Variants in NEBL observed in about 807,000 individuals in gnomAD.
NEBL encodes nebulette, also known as LIM and SH3 protein 2.
A neutral mutation model predicts 140.2 loss-of-function variants in NEBL; 122 were observed. The observed-to-expected ratio is 0.87, with a 90% CI of 0.75 to 1.01. The LOEUF (loss-of-function observed/expected upper bound fraction) is 1.01, where lower values mean the gene tolerates loss of function less well. NEBL is among the 50% of genes least tolerant of loss of function. The pLI is 0.00. For missense variants in NEBL, 1,365 were observed against 1,231.3 expected (o/e 1.11, Z -1.62); for synonymous variants, 436 against 398.9 (o/e 1.09, Z -1.11).
intron 19 of NEBL, 67 bp from the exon 20 acceptor site, chr10:20,819,583 GA>G (rs1247221485): frequency 7.6e-6 from 12 of 1,577,802 alleles, no homozygotes; most frequent in Non-Finnish European, 1.0e-5. Context: ...CATTGCAACA[GA>G]TTTTTTTTAA....
chr10:21,002,384 T>C (rs939280664), intron 3 of NEBL, among the ~76,000 whole-genome samples: 21 of 152,202 alleles, frequency 1.4e-4, no homozygotes, highest in Admixed American at 2.6e-4. Flanking sequence ...CTAAACCTTA[T>C]AAAGTTATCC....
intron 2 of NEBL, among the ~76,000 whole-genome samples, chr10:21,157,191 A>G (rs1771987043): frequency 6.6e-6 from 1 of 152,222 alleles, no homozygotes; most frequent in Non-Finnish European, 1.5e-5. Context: ...CGTAATTCAG[A>G]AAAAGTCTCC....
chr10:20,803,316 C>G (rs949049959), intron 26 of NEBL, among the ~76,000 whole-genome samples: 1 of 152,040 alleles, frequency 6.6e-6, no homozygotes, highest in Non-Finnish European at 1.5e-5. Context: ...TGCTAATTAC[C>G]ATGTTCTGAT....
chr10:20,902,781 T>C (rs1278225273), intron 4 of NEBL, among the ~76,000 whole-genome samples: 23 of 152,068 alleles, frequency 1.5e-4, no homozygotes, highest in Admixed American at 1.5e-3. Flanking sequence ...ACCTAAGCTC[T>C]TCTTGGTCTG....
chr10:20,810,911 A>AT (rs1273911013), intron 24 of NEBL, among the ~76,000 whole-genome samples: 2 of 152,206 alleles, frequency 1.3e-5, no homozygotes, highest in African/African-American at 4.8e-5. Flanking sequence ...TATTATCCTC[A>AT]TTTTGTAGAT....
intron 2 of NEBL, among the ~76,000 whole-genome samples, chr10:21,148,274 T>A (rs941951029): frequency 6.6e-6 from 1 of 152,238 alleles, no homozygotes; most frequent in Non-Finnish European, 1.5e-5. Context: ...TTGGTTTCCA[T>A]CCACGTTCAT....
intron 5 of NEBL, among the ~76,000 whole-genome samples, chr10:20,870,963 CTTTA>C (rs1252314631): frequency 1.3e-5 from 2 of 152,196 alleles, no homozygotes; most frequent in Admixed American, 1.3e-4. Flanking sequence ...CAGCTCACTT[CTTTA>C]TTTCTTGCGA....
chr10:21,202,857 T>C (rs1214703889), intron 3 of NEBL, among the ~76,000 whole-genome samples: 1 of 152,226 alleles, frequency 6.6e-6, no homozygotes, highest in African/African-American at 2.4e-5. Context: ...TATTAAAAGA[T>C]TGAAAATATT....
At chr10:21,012,722 A>G (rs1838391190) in intron 3 of NEBL, among the ~76,000 whole-genome samples, 1 of 152,126 alleles carries the variant, frequency 6.6e-6, no homozygotes, top group South Asian at 2.1e-4. Flanking sequence ...CTATATATTG[A>G]AACGCCTAAT....
chr10:20,973,251 T>G (rs898453086), intron 3 of NEBL, among the ~76,000 whole-genome samples: 12 of 151,616 alleles, frequency 7.9e-5, no homozygotes, highest in African/African-American at 2.9e-4. Flanking sequence ...CTTTTTCTTT[T>G]TTTTTTTTTT....
intron 2 of NEBL, among the ~76,000 whole-genome samples, chr10:21,027,864 A>T (rs918997629): frequency 6.6e-6 from 1 of 152,080 alleles, no homozygotes; most frequent in Non-Finnish European, 1.5e-5. Context: ...ATTCCTCCTA[A>T]GTCTGAACCA....
At chr10:20,932,356 G>A (rs976867577) in intron 4 of NEBL, among the ~76,000 whole-genome samples, 1 of 152,116 alleles carries the variant, frequency 6.6e-6, no homozygotes, top group Non-Finnish European at 1.5e-5. Flanking sequence ...ACTCACAAGT[G>A]GGAGTTAAAC....
At chr10:21,064,929 G>T (rs1199827418) in intron 2 of NEBL, among the ~76,000 whole-genome samples, 1 of 152,062 alleles carries the variant, frequency 6.6e-6, no homozygotes, top group Non-Finnish European at 1.5e-5. Context: ...ATTTAAGAAT[G>T]AGATAGAAAA....
At chr10:20,818,943 C>T (rs1270454588) in intron 20 of NEBL, 1 of 967,026 alleles carries the variant, frequency 1.0e-6, no homozygotes, top group Admixed American at 5.8e-5. Context: ...TTCCGTTTAT[C>T]ATCATCGTTA....
chr10:20,909,451 G>T (rs11012384), intron 4 of NEBL, among the ~76,000 whole-genome samples: 90,349 of 151,828 alleles, frequency 0.6, 27,038 homozygotes, highest in Admixed American at 0.64. Flanking sequence ...TAAGATATTG[G>T]ACACACAAAT....
chr10:21,100,458 T>C (rs1837429693), intron 2 of NEBL, among the ~76,000 whole-genome samples: 1 of 152,194 alleles, frequency 6.6e-6, no homozygotes, highest in Admixed American at 6.5e-5. Context: ...AGCAACACTT[T>C]TGCACCCTGT....
intron 4 of NEBL, among the ~76,000 whole-genome samples, chr10:20,947,744 G>A (rs1319343064): frequency 1.3e-5 from 2 of 151,876 alleles, no homozygotes; most frequent in African/African-American, 4.8e-5. Context: ...GGGTAATAGT[G>A]TAGGAAGCAG....
intron 4 of NEBL, among the ~76,000 whole-genome samples, chr10:20,936,423 A>G (rs1422664300): frequency 6.6e-6 from 1 of 152,240 alleles, no homozygotes; most frequent in East Asian, 1.9e-4. Flanking sequence ...AACCTAAAAA[A>G]TGGTGGACAA....
intron 2 of NEBL, among the ~76,000 whole-genome samples, chr10:21,057,535 G>T (rs998734230): frequency 3.0e-4 from 17 of 57,454 alleles, no homozygotes; most frequent in Admixed American, 2.7e-3. Context: ...AATAGCCAAT[G>T]AAATTCCTTT....
Sources: gnomAD v4.1 joint callset for allele counts (sites outside exome capture counted in the v4.1 genomes callset) on GRCh38, gnomAD v4.1.1 for gene constraint, MANE v1.5 for transcripts, NCBI Gene and HGNC (gene_info 2026-07-23, HGNC 2026-07-21) for gene names.